The following CFAP61 variants were observed in gnomAD, a reference collection of about 807,000 sequenced individuals.
CFAP61 encodes the protein cilia and flagella associated protein 61, also known as cilia- and flagella-associated protein 61.
Under a neutral mutation model 135.6 loss-of-function variants are expected in CFAP61, and 107 were observed. The observed-to-expected ratio is 0.79, with a 90% CI of 0.67 to 0.93. The LOEUF is 0.93. Ranked by LOEUF, CFAP61 falls within the 40% of genes least tolerant of loss-of-function variation. The pLI, the probability that CFAP61 is intolerant of heterozygous loss-of-function variation, is 0.00. For missense variants in CFAP61, 1,507 were observed against 1,556.2 expected (o/e 0.97, Z 0.53); for synonymous variants, 575 against 578.5 (o/e 0.99, Z 0.09).
At chr20:20,200,494 A>G (rs1245189862) in intron 17 of CFAP61, among the ~76,000 whole-genome samples, 1 of 152,268 alleles carries the variant, frequency 6.6e-6, no homozygotes, top group African/African-American at 2.4e-5. Flanking sequence ...GACTGAAATC[A>G]AACCTAGATA....
intron 25 of CFAP61, 53 bp from the exon 26 acceptor site, chr20:20,341,778 T>A (rs747289066): frequency 1.4e-5 from 17 of 1,248,716 alleles, no homozygotes; most frequent in Non-Finnish European, 1.8e-5. Flanking sequence ...AAATACTTTA[T>A]TAGTGGTAAT....
intron 26 of CFAP61, among the ~76,000 whole-genome samples, chr20:20,344,725 T>C (rs374957882): frequency 3.5e-4 from 54 of 152,304 alleles, no homozygotes; most frequent in African/African-American, 1.1e-3. Flanking sequence ...AAAGCTGCCA[T>C]ATGACCCACC....
At chr20:20,320,411 TA>T (rs377177165) in intron 25 of CFAP61, among the ~76,000 whole-genome samples, 7 of 92,432 alleles carry the variant, frequency 7.6e-5, no homozygotes, top group South Asian at 3.4e-4. Context: ...GTAATATATG[TA>T]ATATATATTA....
chr20:20,356,126 T>TGGTC (rs1569332340), intron 26 of CFAP61, among the ~76,000 whole-genome samples: 7 of 54,180 alleles, frequency 1.3e-4, no homozygotes, highest in Non-Finnish European at 1.5e-4. Context: ...TGAGGGGAGG[T>TGGTC]AGTCACACTG....
chr20:20,250,277 G>C (rs539225110), intron 19 of CFAP61, among the ~76,000 whole-genome samples: 1 of 152,274 alleles, frequency 6.6e-6, no homozygotes, highest in Admixed American at 6.5e-5. Flanking sequence ...TACGCATCCT[G>C]CCTAACAAAG....
chr20:20,142,613 A>G (rs1007596066), intron 8 of CFAP61, among the ~76,000 whole-genome samples: 1 of 152,140 alleles, frequency 6.6e-6, no homozygotes, highest in East Asian at 1.9e-4. Flanking sequence ...CCTGGGCAGC[A>G]TCATGTGAAT....
chr20:20,112,053 T>C (rs1466052794), intron 8 of CFAP61, among the ~76,000 whole-genome samples: 1 of 152,238 alleles, frequency 6.6e-6, no homozygotes, highest in East Asian at 1.9e-4. Context: ...TAGCTTATTA[T>C]AGCTTCTAGA....
chr20:20,327,852 G>T (rs982532471), intron 25 of CFAP61, among the ~76,000 whole-genome samples: 1 of 148,068 alleles, frequency 6.8e-6, no homozygotes, highest in Non-Finnish European at 1.5e-5. Context: ...CCTATCACAG[G>T]ATTTCTTGCA....
chr20:20,180,281 A>G (rs1217196314), intron 13 of CFAP61, among the ~76,000 whole-genome samples: 12 of 152,030 alleles, frequency 7.9e-5, no homozygotes, highest in Admixed American at 7.9e-4. Context: ...GTGAGCCGAG[A>G]TCACGCCACT....
intron 13 of CFAP61, among the ~76,000 whole-genome samples, chr20:20,172,950 G>A (rs35009354): frequency 0.19 from 29,102 of 152,092 alleles, 3,532 homozygotes; most frequent in Non-Finnish European, 0.27. Flanking sequence ...TTCGTCCCTC[G>A]TTTCCCACAA....
intron 22 of CFAP61, among the ~76,000 whole-genome samples, chr20:20,286,771 A>G (rs2054614571): frequency 6.6e-6 from 1 of 152,212 alleles, no homozygotes; most frequent in Non-Finnish European, 1.5e-5. Flanking sequence ...CCCCAAATGT[A>G]GCCAAAATTG....
At chr20:20,290,515 G>C in intron 24 of CFAP61, 124 bp downstream of exon 24, 1 of 676,068 alleles carries the variant, frequency 1.5e-6, no homozygotes, top group Non-Finnish European at 2.6e-6. Flanking sequence ...GCCCACTGGA[G>C]TAATCGTCCC....
chr20:20,249,246 T>C (rs2050699939), intron 19 of CFAP61, among the ~76,000 whole-genome samples: 1 of 152,182 alleles, frequency 6.6e-6, no homozygotes, highest in African/African-American at 2.4e-5. Flanking sequence ...CAATCACTTA[T>C]ACAATGATAT....
chr20:20,228,482 C>A, intron 18 of CFAP61, 106 bp downstream of exon 18: 1 of 898,840 alleles, frequency 1.1e-6, no homozygotes, highest in Non-Finnish European at 1.7e-6. Flanking sequence ...TTGTTTGGTA[C>A]TCCACACACC....
At chr20:20,091,433 A>G (rs1256893794) in intron 7 of CFAP61, among the ~76,000 whole-genome samples, 1 of 151,764 alleles carries the variant, frequency 6.6e-6, no homozygotes, top group East Asian at 1.9e-4. Context: ...TTAACATCCA[A>G]CCCCATTTGT....
At chr20:20,190,240 C>A (rs2055823634) in intron 14 of CFAP61, among the ~76,000 whole-genome samples, 1 of 152,190 alleles carries the variant, frequency 6.6e-6, no homozygotes, top group Non-Finnish European at 1.5e-5. Context: ...GTTAAACACA[C>A]TGTGGCACAT....
At position 20,142,838 on chromosome 20, in the gene CFAP61, T is replaced by G; in HGVS notation, c.860-19T>G. 1 of 1,440,638 alleles carries G rather than the reference T, an allele frequency of 6.9e-7. No individual in the cohort carries two copies. Among genetic ancestry groups the G allele is most frequent in the South Asian group, 1.2e-5 (1 of 83,910 alleles). 89.2% of individuals were successfully genotyped at this position (1,440,638 alleles called of 1,614,324 possible). ...TTTATCATCTATTTTCTGTCATTAT[T>G]CTATCCCTTCTCTCAAAGATGCTGA... On this transcript the variant is annotated intron_variant, in intron 8 of 26. Coordinates refer to ENST00000245957, the MANE Select transcript of CFAP61 (RefSeq NM_015585.4).
intron 19 of CFAP61, among the ~76,000 whole-genome samples, chr20:20,250,434 T>C (rs373676906): frequency 6.6e-6 from 1 of 152,074 alleles, no homozygotes. Flanking sequence ...GCACAGACCA[T>C]GGCAGGGTTC....
At chr20:20,067,036 T>C (rs1048459920) in intron 2 of CFAP61, among the ~76,000 whole-genome samples, 3 of 152,032 alleles carry the variant, frequency 2.0e-5, no homozygotes, top group Non-Finnish European at 4.4e-5. Context: ...ATCATTTCAC[T>C]GCATGTAAAT....
Sources: gnomAD v4.1 joint callset for allele counts (sites outside exome capture counted in the v4.1 genomes callset) on GRCh38, gnomAD v4.1.1 for gene constraint, MANE v1.5 for transcripts, NCBI Gene and HGNC (gene_info 2026-07-23, HGNC 2026-07-21) for gene names.